Variants in TNNI1 observed in about 807,000 individuals in gnomAD.
The protein encoded by TNNI1 is troponin I1, slow skeletal type.
TNNI1 carries 14 observed loss-of-function variants against 26.7 expected under a neutral mutation model. The ratio of observed to expected loss-of-function variants is 0.52; its 90% CI spans 0.35 to 0.82. The LOEUF (loss-of-function observed/expected upper bound fraction) is 0.82, where lower values mean the gene tolerates loss of function less well. Among genes scored for constraint, TNNI1 ranks in the 40% least tolerant of loss-of-function variants. The pLI is 0.01. For synonymous variants in TNNI1, 79 were observed against 98.2 expected, an observed-to-expected ratio of 0.80 and a Z score of 1.16; for missense variants, 164 against 257.0, an observed-to-expected ratio of 0.64 and a Z score of 2.47.
Position 201,404,613 on chromosome 1 carries a change from A to C in TNNI1, c.*4640T>G, listed in dbSNP as rs1207731080. The C allele has an allele frequency of 1.3e-5, 2 of 152,236 alleles. No homozygotes were observed. Among genetic ancestry groups the C allele is most frequent in the African/African-American group, 4.8e-5 (2 of 41,454 alleles). 9.4% of individuals were successfully genotyped at this position (152,236 alleles called of 1,614,324 possible). On this transcript the variant is annotated 3_prime_UTR_variant, in exon 9 of 9. Transcript: ENST00000361379. ...AATACTCCAGTAATAAAACAAAGGC[A>C]TGCATGCTTTTAGATCAGAGGAAGG...
intron 8 of TNNI1, 68 bp downstream of exon 8, chr1:201,410,258 A>C: frequency 7.1e-7 from 1 of 1,418,248 alleles, no homozygotes; most frequent in Non-Finnish European, 9.9e-7. Flanking sequence ...CCGCCTGCCC[A>C]TTGTGGACTC....
At chr1:201,410,513 A>C in intron 7 of TNNI1, 78 bp from the exon 8 acceptor site, 6 of 1,244,760 alleles carry the variant, frequency 4.8e-6, no homozygotes, top group Non-Finnish European at 1.2e-6. Context: ...GGGTGATAGG[A>C]AACCAGTCTC....
At chr1:201,416,965 A>G (rs1204604850) in intron 3 of TNNI1, 151 bp downstream of exon 3, 6 of 887,178 alleles carry the variant, frequency 6.8e-6, no homozygotes, top group African/African-American at 5.0e-5. Context: ...ATCTCCTGGG[A>G]ATTTGTTCAG....
chr1:201,410,507 G>C, intron 7 of TNNI1, 72 bp from the exon 8 acceptor site: 1 of 1,326,396 alleles, frequency 7.5e-7, no homozygotes, highest in Admixed American at 1.7e-5. Flanking sequence ...GAAGCTGGGT[G>C]ATAGGAAACC....
At position 201,411,340 on chromosome 1, in the gene TNNI1, G is replaced by A; in HGVS notation, c.456+17C>T. The A allele has an allele frequency of 1.2e-6, 2 of 1,613,122 alleles. No individual in the cohort carries two copies. Among genetic ancestry groups the A allele is most frequent in the Non-Finnish European group, 1.7e-6 (2 of 1,179,602 alleles). ...GGTAGGGCAGAGGGTGGAATGTTCTGAGGAAAGGGACCTCACCTTCTCTGT... is the reference window on the plus strand; with the variant it reads ...GGTAGGGCAGAGGGTGGAATGTTCTAAGGAAAGGGACCTCACCTTCTCTGT... On this transcript the variant is annotated intron_variant, in intron 7 of 8. Transcript: ENST00000361379. The surrounding 1 kb of genome is among the most constrained non-coding windows in gnomAD (Gnocchi z 4.6).
Position 201,404,354 on chromosome 1 carries a change from AACTGC to A in TNNI1, c.*4894_*4898del, listed in dbSNP as rs1241419783. 15 of 152,294 alleles carry A rather than the reference AACTGC, an allele frequency of 9.8e-5. No individual in the cohort carries two copies. The highest frequency in any genetic ancestry group is 4.6e-4 in the Admixed American group (7 of 15,296). The allele number at this position is 152,294 out of a possible 1,614,324, so 9.4% of individuals were successfully genotyped here. ...TCCCATTCATGTGTCTCAGCTGAGCAACTGCCATGCTTGTGGCACTCTTAGGGGAA... is the reference window on the plus strand; with the variant it reads ...TCCCATTCATGTGTCTCAGCTGAGCACATGCTTGTGGCACTCTTAGGGGAA... On this transcript the variant is annotated 3_prime_UTR_variant, in exon 9 of 9. Coordinates refer to ENST00000361379, the MANE Select transcript of TNNI1 (RefSeq NM_003281.4).
chr1:201,406,453 C>G lies in TNNI1; in HGVS notation c.*2800G>C, dbSNP rs1662516203. 1 of 152,274 alleles carries G rather than the reference C, an allele frequency of 6.6e-6. No homozygotes were observed. The highest frequency in any genetic ancestry group is 6.5e-5 in the Admixed American group (1 of 15,286). 9.4% of individuals were successfully genotyped at this position (152,274 alleles called of 1,614,324 possible). ...TGATCATGAAAAGTCCCTAACCTCT[C>G]TGTGCCTCAGTTTTCCCCACTGTAC... On this transcript the variant is annotated 3_prime_UTR_variant, in exon 9 of 9. Transcript: ENST00000361379.
At position 201,406,204 on chromosome 1, in the gene TNNI1, A is replaced by C. The variant is rs1662512137; in HGVS notation, c.*3049T>G. ...CAGTCTGCAGCTAGCAAACCCTGTA[A>C]CTTAGAGTGAGCTACTTGAACTCTC... is the stretch of plus-strand genomic sequence containing the variant. On this transcript the variant is annotated 3_prime_UTR_variant, in exon 9 of 9. Transcript: ENST00000361379. 2 of 152,172 alleles carry C rather than the reference A, an allele frequency of 1.3e-5. No homozygotes were observed. The highest frequency in any genetic ancestry group is 4.8e-5 in the African/African-American group (2 of 41,428). 9.4% of individuals were successfully genotyped at this position (152,172 alleles called of 1,614,324 possible).
intron 1 of TNNI1, among the ~76,000 whole-genome samples, chr1:201,418,447 A>G (rs1288062552): frequency 1.0e-4 from 15 of 150,046 alleles, no homozygotes; most frequent in Non-Finnish European, 5.9e-5. Flanking sequence ...CAGCCTGGGT[A>G]ACAGAATGAG....
At chr1:201,413,508 G>C (rs1389557104) in intron 5 of TNNI1, among the ~76,000 whole-genome samples, 1 of 152,142 alleles carries the variant, frequency 6.6e-6, no homozygotes, top group Admixed American at 6.5e-5. Context: ...CACTTTGGGA[G>C]GCCAAGGTGG....
At chr1:201,410,517 C>A in intron 7 of TNNI1, 82 bp from the exon 8 acceptor site, 1 of 1,214,516 alleles carries the variant, frequency 8.2e-7, no homozygotes, top group Non-Finnish European at 1.2e-6. Flanking sequence ...GATAGGAAAC[C>A]AGTCTCCTCG....
intron 7 of TNNI1, 58 bp from the exon 8 acceptor site, chr1:201,410,493 A>C: frequency 1.2e-5 from 18 of 1,454,858 alleles, no homozygotes; most frequent in South Asian, 2.3e-5. Flanking sequence ...CCCCCAGCTC[A>C]AGAGAAGCTG....
chr1:201,419,450 G>A (rs1054146691), intron 1 of TNNI1, among the ~76,000 whole-genome samples: 1 of 152,168 alleles, frequency 6.6e-6, no homozygotes, highest in Non-Finnish European at 1.5e-5. Context: ...CAGGAGCCCT[G>A]AGCCAGGCTG....
intron 1 of TNNI1, among the ~76,000 whole-genome samples, 193 bp downstream of exon 1, chr1:201,421,480 T>C (rs1662855477): frequency 6.6e-6 from 1 of 152,202 alleles, no homozygotes; most frequent in African/African-American, 2.4e-5. Flanking sequence ...CACAACAGTT[T>C]TGCAGGAGAG....
chr1:201,418,186 A>C (rs558274213), intron 1 of TNNI1, among the ~76,000 whole-genome samples: 51 of 152,092 alleles, frequency 3.4e-4, no homozygotes, highest in African/African-American at 1.2e-3. Context: ...GGAAAGTGAG[A>C]GCAGCTGGGC....
rs1662638467 is a variant in TNNI1 at position 201,411,665 on chromosome 1, T to A, written c.280-132A>T. 3.2e-6 allele frequency: 3 copies of A among 942,508 alleles called. No individual in the cohort carries two copies. The highest frequency in any genetic ancestry group is 3.0e-6 in the Non-Finnish European group (2 of 676,172). The allele number at this position is 942,508 out of a possible 1,614,324, so 58.4% of individuals were successfully genotyped here. A position where few individuals can be genotyped will look rare whatever the true frequency, so the allele number is the denominator to read the frequency against. ...TTGTCCACCCTTGAAGCCAGACCTA[T>A]CAGCAGTCACCAACCTTTTTGTCAC... On this transcript the variant is annotated intron_variant, in intron 6 of 8. Transcript: ENST00000361379. This position sits in a 1 kb window ranked among gnomAD's most constrained non-coding sequence, Gnocchi z 4.6.
intron 1 of TNNI1, among the ~76,000 whole-genome samples, chr1:201,419,829 G>A (rs1017450301): frequency 6.6e-5 from 10 of 152,344 alleles, no homozygotes; most frequent in African/African-American, 2.4e-4. Context: ...CAGAGTCTCA[G>A]CTGTCATGCT....
chr1:201,413,043 T>C lies in TNNI1; in HGVS notation c.268A>G (p.Asn90Asp). Residue 90 changes from asparagine to aspartate, a missense_variant, in exon 6 of 9, where the codon AAC becomes GAC. Physicochemically the swap from Asn to Asp is conservative, Grantham distance 23. Coordinates refer to ENST00000361379, the MANE Select transcript of TNNI1 (RefSeq NM_003281.4). ...RYDIEAKCLH[N>D]TREIKDLKLK... ...TTCCTTAGACTCACCTCCCTGGTGT[T>C]GTGGAGGCATTTGGCCTCAATGTCG... 1 of 1,614,068 alleles carries C rather than the reference T, an allele frequency of 6.2e-7. No homozygotes were observed.
chr1:201,412,839 A>C (rs963299687), intron 6 of TNNI1, among the ~76,000 whole-genome samples, 193 bp downstream of exon 6: 1 of 152,204 alleles, frequency 6.6e-6, no homozygotes, highest in Non-Finnish European at 1.5e-5. Context: ...GGAAGTTTGT[A>C]CTTTTCATGT....
Sources: gnomAD v4.1 joint callset for allele counts (sites outside exome capture counted in the v4.1 genomes callset) on GRCh38, gnomAD v4.1.1 for gene constraint, Gnocchi (gnomAD v3.1) non-coding constraint, MANE v1.5 for transcripts, NCBI Gene and HGNC (gene_info 2026-07-23, HGNC 2026-07-21) for gene names.